The following PRKCA variants were observed in gnomAD, a reference collection of about 807,000 sequenced individuals.
PRKCA encodes the protein protein kinase C alpha type.
A neutral mutation model predicts 87.0 loss-of-function variants in PRKCA; 27 were observed. The ratio of observed to expected loss-of-function variants is 0.31; its 90% confidence interval spans 0.23 to 0.43. The LOEUF (loss-of-function observed/expected upper bound fraction) is 0.43. Among genes scored for constraint, PRKCA ranks in the 20% least tolerant of loss-of-function variants. The pLI is 1.00. For missense variants in PRKCA, 518 were observed against 852.3 expected (o/e 0.61, Z 4.88); for synonymous variants, 329 against 311.1 (o/e 1.06, Z -0.61).
At chr17:66,497,792 C>T (rs186119832) in intron 3 of PRKCA, among the ~76,000 whole-genome samples, 4 of 152,100 alleles carry the variant, frequency 2.6e-5, no homozygotes, top group Non-Finnish European at 2.9e-5. Flanking sequence ...CTTCCCTTTG[C>T]GAAAGATGAC....
chr17:66,620,965 A>G (rs1380705164), intron 3 of PRKCA, among the ~76,000 whole-genome samples: 1 of 152,230 alleles, frequency 6.6e-6, no homozygotes, highest in African/African-American at 2.4e-5. Context: ...GGTAAAAATA[A>G]GTCTTTATCC....
At chr17:66,501,281 G>T (rs761202439) in intron 3 of PRKCA, among the ~76,000 whole-genome samples, 4 of 152,156 alleles carry the variant, frequency 2.6e-5, no homozygotes, top group Non-Finnish European at 4.4e-5. Context: ...AGGGAATCTT[G>T]GCAGAGAAAA....
chr17:66,805,110 C>T lies in PRKCA; in HGVS notation c.*1073C>T. 1 of 984,172 alleles carries T rather than the reference C, an allele frequency of 1.0e-6. No individual in the cohort carries two copies. Among genetic ancestry groups the T allele is most frequent in the Non-Finnish European group, 1.2e-6 (1 of 828,766 alleles). 61.0% of individuals were successfully genotyped at this position (984,172 alleles called of 1,614,324 possible). The stretch of plus-strand genomic sequence containing the variant: ...GATTGATTTTCCTCCCTTCTCTAGC[C>T]CTGGATGTCCACTTAGGGATAAAAA... On this transcript the variant is annotated 3_prime_UTR_variant, in exon 17 of 17. Transcript: ENST00000413366.
intron 2 of PRKCA, among the ~76,000 whole-genome samples, chr17:66,337,585 T>C (rs938759976): frequency 2.0e-5 from 3 of 152,004 alleles, no homozygotes; most frequent in African/African-American, 7.3e-5. Context: ...GAGGTTTCAC[T>C]ACGTTTCCCA....
chr17:66,447,445 T>C (rs1214565556), intron 2 of PRKCA, among the ~76,000 whole-genome samples: 1 of 152,194 alleles, frequency 6.6e-6, no homozygotes, highest in Non-Finnish European at 1.5e-5. Flanking sequence ...GCACGGGGCC[T>C]TAGTGCTTTC....
At chr17:66,719,834 C>G (rs913123675) in intron 8 of PRKCA, among the ~76,000 whole-genome samples, 5 of 152,162 alleles carry the variant, frequency 3.3e-5, no homozygotes, top group African/African-American at 1.2e-4. Flanking sequence ...GTATCCATGC[C>G]TGTTAGATTT....
chr17:66,782,044 G>A (rs955339455), intron 14 of PRKCA, among the ~76,000 whole-genome samples: 2 of 151,782 alleles, frequency 1.3e-5, no homozygotes, highest in African/African-American at 4.8e-5. Flanking sequence ...CTCCCAGGTA[G>A]CAGGGACTAC....
chr17:66,324,154 A>G (rs1382101244), intron 2 of PRKCA, among the ~76,000 whole-genome samples: 3 of 152,182 alleles, frequency 2.0e-5, no homozygotes, highest in Admixed American at 6.6e-5. Flanking sequence ...CAGATGGTCA[A>G]TAACACTTGG....
At chr17:66,355,550 C>G (rs1907998838) in intron 2 of PRKCA, among the ~76,000 whole-genome samples, 1 of 152,118 alleles carries the variant, frequency 6.6e-6, no homozygotes. Context: ...TTGTCATCAC[C>G]ATGATCGTGG....
intron 2 of PRKCA, among the ~76,000 whole-genome samples, chr17:66,331,746 A>G (rs768111982): frequency 2.6e-5 from 4 of 152,202 alleles, no homozygotes; most frequent in Non-Finnish European, 4.4e-5. Flanking sequence ...AGCGACCGAG[A>G]GAAGGGTTGG....
At chr17:66,610,794 A>G (rs1481571935) in intron 3 of PRKCA, among the ~76,000 whole-genome samples, 1 of 152,154 alleles carries the variant, frequency 6.6e-6, no homozygotes, top group Non-Finnish European at 1.5e-5. Flanking sequence ...GCACAACCTA[A>G]GATCTAAGCT....
rs562662025 is a variant in PRKCA at position 66,532,703 on chromosome 17, A to G, written c.288+36420A>G. On this transcript the variant is annotated intron_variant, in intron 3 of 16. Transcript: ENST00000413366. ...CAACCCCATCTCCTTCCCTCTTTGC[A>G]TGGGGTAAAACCCTACTGCAAGGAC... 3.3e-5 allele frequency among the ~76,000 whole-genome samples: 5 copies of G among 152,218 alleles called. No homozygotes were observed. The East Asian group carries it at 7.7e-4, about 24-fold the overall frequency.
At chr17:66,433,160 G>A (rs1192730048) in intron 2 of PRKCA, among the ~76,000 whole-genome samples, 1 of 152,126 alleles carries the variant, frequency 6.6e-6, no homozygotes, top group Non-Finnish European at 1.5e-5. Flanking sequence ...TAGAGATTAA[G>A]TGTTCCAATA....
At chr17:66,476,851 A>C (rs1388336631) in intron 2 of PRKCA, among the ~76,000 whole-genome samples, 1 of 152,060 alleles carries the variant, frequency 6.6e-6, no homozygotes, top group Non-Finnish European at 1.5e-5. Context: ...CTTTCCCTTC[A>C]ATCTGGAGAA....
intron 3 of PRKCA, among the ~76,000 whole-genome samples, chr17:66,592,510 C>T (rs1365889754): frequency 1.3e-5 from 2 of 152,114 alleles, no homozygotes; most frequent in East Asian, 3.8e-4. Flanking sequence ...AAACTTCCTC[C>T]TTTGTTCTTG....
intron 2 of PRKCA, among the ~76,000 whole-genome samples, chr17:66,347,059 TA>T (rs1196944226): frequency 2.0e-5 from 3 of 151,812 alleles, no homozygotes; most frequent in African/African-American, 7.3e-5. Context: ...TTGGGGACTC[TA>T]AAGAGTTTTA....
At chr17:66,733,070 G>C (rs1390087236) in intron 9 of PRKCA, among the ~76,000 whole-genome samples, 1 of 149,384 alleles carries the variant, frequency 6.7e-6, no homozygotes, top group Non-Finnish European at 1.5e-5. Flanking sequence ...AGAATGGCGT[G>C]AACCTGGGAG....
chr17:66,517,429 C>G (rs1278102556), intron 3 of PRKCA, among the ~76,000 whole-genome samples: 1 of 152,158 alleles, frequency 6.6e-6, no homozygotes, highest in Non-Finnish European at 1.5e-5. Context: ...GACTTTCATA[C>G]CACTTGTTGT....
At chr17:66,442,813 C>A (rs1198690120) in intron 2 of PRKCA, among the ~76,000 whole-genome samples, 3 of 152,068 alleles carry the variant, frequency 2.0e-5, no homozygotes, top group African/African-American at 4.8e-5. Context: ...CATTTTTTGC[C>A]TTTTCTTACA....
Sources: allele counts gnomAD v4.1 joint callset (sites outside exome capture counted in the v4.1 genomes callset), GRCh38; gene constraint gnomAD v4.1.1; transcripts MANE v1.5; gene names NCBI Gene and HGNC (gene_info 2026-07-23, HGNC 2026-07-21).